Variants in MYLK observed in about 807,000 individuals in gnomAD.
The protein encoded by MYLK is myosin light chain kinase, smooth muscle.
Under a neutral mutation model 203.4 loss-of-function variants are expected in MYLK, and 106 were observed. The observed-to-expected ratio is 0.52, with a 90% CI of 0.45 to 0.61. The LOEUF (loss-of-function observed/expected upper bound fraction) is 0.61. Among genes scored for constraint, MYLK ranks in the 20% least tolerant of loss-of-function variants. The pLI is 0.00. For synonymous variants in MYLK, 867 were observed against 959.5 expected (o/e 0.90, Z 1.78); for missense variants, 2,072 against 2,442.3 (o/e 0.85, Z 3.20).
chr3:123,682,370 T>C, intron 19 of MYLK, 60 bp from the exon 20 acceptor site: 1 of 1,347,358 alleles, frequency 7.4e-7, no homozygotes, highest in South Asian at 1.2e-5. Context: ...GCAAAGGGGG[T>C]CTCTCAGTCA....
intron 1 of MYLK, among the ~76,000 whole-genome samples, chr3:123,883,582 T>A (rs2033675898): frequency 6.6e-6 from 1 of 152,180 alleles, no homozygotes; most frequent in Non-Finnish European, 1.5e-5. Context: ...CCTCAACCAT[T>A]GACAACTCAC....
intron 4 of MYLK, among the ~76,000 whole-genome samples, chr3:123,752,787 C>T (rs905836089): frequency 1.4e-4 from 21 of 152,188 alleles, no homozygotes; most frequent in African/African-American, 4.8e-4. Flanking sequence ...ACTCTCAAGC[C>T]CGGCTGCATT....
chr3:123,714,343 G>A (rs1361278977), intron 13 of MYLK, among the ~76,000 whole-genome samples: 3 of 152,164 alleles, frequency 2.0e-5, no homozygotes, highest in South Asian at 2.1e-4. Context: ...TCTGTGAGGA[G>A]CTTTCTGTCA....
chr3:123,775,743 G>A (rs114621742), intron 4 of MYLK, among the ~76,000 whole-genome samples: 29 of 152,270 alleles, frequency 1.9e-4, no homozygotes, highest in African/African-American at 6.7e-4. Flanking sequence ...TTCAACATTC[G>A]ACCCTGTGTG....
chr3:123,812,181 G>A (rs1428768558), intron 3 of MYLK, among the ~76,000 whole-genome samples: 1 of 152,076 alleles, frequency 6.6e-6, no homozygotes, highest in Non-Finnish European at 1.5e-5. Flanking sequence ...TATTAGTCAG[G>A]GCTGGGTTCT....
At chr3:123,671,826 G>T (rs1231850937) in intron 20 of MYLK, among the ~76,000 whole-genome samples, 1 of 152,092 alleles carries the variant, frequency 6.6e-6, no homozygotes, top group Non-Finnish European at 1.5e-5. Context: ...CTTTGGTGGG[G>T]GAGACCAGAT....
intron 13 of MYLK, among the ~76,000 whole-genome samples, chr3:123,719,045 AAG>A (rs1250001075): frequency 6.6e-6 from 1 of 152,168 alleles, no homozygotes; most frequent in Admixed American, 6.5e-5. Context: ...TTTGGAGAAG[AAG>A]AGAGTCACTG....
At chr3:123,689,182 C>G (rs2060569821) in intron 19 of MYLK, among the ~76,000 whole-genome samples, 1 of 152,148 alleles carries the variant, frequency 6.6e-6, no homozygotes. Flanking sequence ...ATGCCCTGGC[C>G]AGGGTGGCTG....
intron 31 of MYLK, among the ~76,000 whole-genome samples, chr3:123,625,755 C>T (rs1383222356): frequency 5.4e-5 from 8 of 148,758 alleles, no homozygotes; most frequent in Non-Finnish European, 1.0e-4. Context: ...TGCAGTGAGC[C>T]GAGATCGTGC....
chr3:123,692,349 G>A, intron 19 of MYLK: 1 of 1,173,742 alleles, frequency 8.5e-7, no homozygotes, highest in South Asian at 1.7e-5. Context: ...ACCCTGCTGG[G>A]TCGTCCTGCC....
At chr3:123,861,806 A>T (rs1372209208) in intron 2 of MYLK, among the ~76,000 whole-genome samples, 1 of 152,188 alleles carries the variant, frequency 6.6e-6, no homozygotes, top group Non-Finnish European at 1.5e-5. Context: ...TCAAAATGTC[A>T]ATCCTACAAA....
At position 123,649,210 on chromosome 3, in the gene MYLK, G is replaced by A; in HGVS notation, c.4289-16C>T. 6.2e-7 allele frequency: 1 copy of A among 1,612,192 alleles called. No individual in the cohort carries two copies. The highest frequency in any genetic ancestry group is 1.1e-5 in the South Asian group (1 of 91,010). On this transcript the variant is annotated splice_polypyrimidine_tract_variant and intron_variant, in intron 24 of 33. Coordinates refer to ENST00000360304, the MANE Select transcript of MYLK (RefSeq NM_053025.4). ...TCCTTCGGCTCTGGGGGGGGCACAA[G>A]GAAGGACAGAGAGGACACAGGTGAT...
At chr3:123,626,764 G>A in intron 31 of MYLK, 54 bp downstream of exon 31, 2 of 1,586,754 alleles carry the variant, frequency 1.3e-6, no homozygotes, top group Admixed American at 3.5e-5. Context: ...AAAGTGGCTT[G>A]AACAACACAA....
chr3:123,716,159 C>A (rs575933542), intron 13 of MYLK: 1 of 152,306 alleles, frequency 6.6e-6, no homozygotes, highest in East Asian at 1.9e-4. Context: ...GGATCACCAC[C>A]AGCCTCCTCC....
intron 2 of MYLK, among the ~76,000 whole-genome samples, chr3:123,874,669 T>TA (rs2033032863): frequency 6.6e-6 from 1 of 152,168 alleles, no homozygotes; most frequent in Non-Finnish European, 1.5e-5. Context: ...TGTCATGCAG[T>TA]AACAGGCATT....
At chr3:123,614,824 G>A (rs988568667) in intron 33 of MYLK, among the ~76,000 whole-genome samples, 5 of 151,178 alleles carry the variant, frequency 3.3e-5, no homozygotes, top group African/African-American at 9.7e-5. Context: ...TGGGGGGTAG[G>A]GGGGCAGGGT....
intron 24 of MYLK, among the ~76,000 whole-genome samples, chr3:123,653,995 T>TGTGTGG (rs1018805180): frequency 7.4e-6 from 1 of 135,678 alleles, no homozygotes; most frequent in Non-Finnish European, 1.6e-5. Flanking sequence ...GTTGTGTGTG[T>TGTGTGG]GTGTGTGTGT....
At chr3:123,688,720 A>C (rs1482044502) in intron 19 of MYLK, among the ~76,000 whole-genome samples, 13 of 152,094 alleles carry the variant, frequency 8.5e-5, no homozygotes, top group Non-Finnish European at 2.9e-5. Context: ...CTGCCTCCTG[A>C]AACGCCTTAA....
chr3:123,812,740 A>G (rs746951236), intron 3 of MYLK, among the ~76,000 whole-genome samples: 1 of 152,190 alleles, frequency 6.6e-6, no homozygotes, highest in Non-Finnish European at 1.5e-5. Context: ...ACATCCAGTC[A>G]GCTGTGCCTG....
Sources: gnomAD v4.1 joint callset for allele counts (sites outside exome capture counted in the v4.1 genomes callset) on GRCh38, gnomAD v4.1.1 for gene constraint, MANE v1.5 for transcripts, NCBI Gene and HGNC (gene_info 2026-07-23, HGNC 2026-07-21) for gene names.